NPAS2: variants seen among roughly 807,000 people sequenced by gnomAD.
The protein encoded by NPAS2 is neuronal PAS domain protein 2.
NPAS2 carries 23 observed loss-of-function variants against 107.5 expected under a neutral mutation model. The ratio of observed to expected loss-of-function variants is 0.21; its 90% CI spans 0.15 to 0.30. NPAS2 has a LOEUF of 0.30. Ranked by LOEUF, NPAS2 falls within the 10% of genes least tolerant of loss-of-function variation. The pLI is 1.00. For missense variants in NPAS2, 756 were observed against 1,043.3 expected (o/e 0.72, Z 3.79); for synonymous variants, 403 against 417.5 (o/e 0.97, Z 0.42).
chr2:100,977,995 A>G (rs1223901359), intron 15 of NPAS2, among the ~76,000 whole-genome samples, 196 bp downstream of exon 15: 1 of 151,516 alleles, frequency 6.6e-6, no homozygotes, highest in Non-Finnish European at 1.5e-5. Context: ...TCTTTTTTCC[A>G]GTGTCTGGGG....
chr2:100,853,063 G>A (rs1678310274), intron 1 of NPAS2, among the ~76,000 whole-genome samples: 1 of 152,100 alleles, frequency 6.6e-6, no homozygotes. Context: ...TATCATGTGA[G>A]GTAGAGTGAA....
At chr2:100,970,703 T>C (rs1676486761) in intron 11 of NPAS2, 1 of 315,500 alleles carries the variant, frequency 3.2e-6, no homozygotes, top group Non-Finnish European at 5.8e-6. Context: ...ACAATTACAA[T>C]TGGAGATTTC....
intron 15 of NPAS2, among the ~76,000 whole-genome samples, chr2:100,979,293 G>A (rs1677250570): frequency 6.6e-6 from 1 of 151,632 alleles, no homozygotes; most frequent in African/African-American, 2.4e-5. Flanking sequence ...AGGCCTATTT[G>A]GTAAGAAATT....
At chr2:100,854,158 C>CAAAAAAA (rs70943046) in intron 1 of NPAS2, among the ~76,000 whole-genome samples, 5 of 59,596 alleles carry the variant, frequency 8.4e-5, no homozygotes, top group African/African-American at 1.4e-4. Flanking sequence ...CCTGCCTCAA[C>CAAAAAAA]AAAAAAAAAA....
In NPAS2 at chr2:100,978,378, C is replaced by T. The variant is rs573083785; in HGVS notation, c.1482+579C>T. The stretch of plus-strand genomic sequence containing the variant: ...TAACAGTCTCTGTTCACCTCTTTGC[C>T]ACTTTTCCACATTCCTCTTGTTCTT... On this transcript the variant is annotated intron_variant, in intron 15 of 20. Transcript: ENST00000335681. Among the ~76,000 whole-genome samples, 152 of 152,158 alleles carry T rather than the reference C, an allele frequency of 1.0e-3. 2 individuals are homozygous for T. Among genetic ancestry groups the T allele is most frequent in the Non-Finnish European group, 1.8e-3 (120 of 68,008 alleles).
chr2:100,988,386 T>C (rs953760303), intron 17 of NPAS2, 110 bp downstream of exon 17: 11 of 882,428 alleles, frequency 1.2e-5, no homozygotes, highest in Non-Finnish European at 2.0e-5. Context: ...CCTACTGCCC[T>C]GTTCCGTTAT....
intron 1 of NPAS2, among the ~76,000 whole-genome samples, chr2:100,862,253 C>T (rs988357338): frequency 6.6e-6 from 1 of 152,022 alleles, no homozygotes; most frequent in Non-Finnish European, 1.5e-5. Flanking sequence ...GATCAGACCT[C>T]GGAAGGGGAT....
At chr2:100,873,344 A>G (rs543466620) in intron 1 of NPAS2, among the ~76,000 whole-genome samples, 4 of 141,730 alleles carry the variant, frequency 2.8e-5, no homozygotes, top group South Asian at 2.3e-4. Flanking sequence ...ACACACACAT[A>G]TATACATACA....
intron 7 of NPAS2, 72 bp downstream of exon 7, chr2:100,949,552 A>G (rs1001108274): frequency 1.1e-6 from 1 of 892,756 alleles, no homozygotes; most frequent in South Asian, 1.4e-5. Context: ...GGCATTAAGA[A>G]TCGCCCAGGG....
chr2:100,940,499 T>C (rs1290489665), intron 5 of NPAS2, among the ~76,000 whole-genome samples: 2 of 152,204 alleles, frequency 1.3e-5, no homozygotes, highest in Non-Finnish European at 1.5e-5. Context: ...CCATTAAACC[T>C]TGGGTGACTA....
At chr2:100,959,108 AAC>A (rs1267436782) in intron 7 of NPAS2, among the ~76,000 whole-genome samples, 734 of 43,426 alleles carry the variant, frequency 0.017, 15 homozygotes, top group African/African-American at 0.059. Context: ...AAAAAAAAAA[AAC>A]AAAACTAAAA....
chr2:100,980,711 T>C (rs1388610290), intron 15 of NPAS2, among the ~76,000 whole-genome samples: 2 of 152,158 alleles, frequency 1.3e-5, no homozygotes, highest in African/African-American at 4.8e-5. Flanking sequence ...TCTCAGGTGA[T>C]CCGCCCACCT....
At chr2:100,875,340 A>C (rs571555858) in intron 1 of NPAS2, among the ~76,000 whole-genome samples, 1 of 152,362 alleles carries the variant, frequency 6.6e-6, no homozygotes, top group Admixed American at 6.5e-5. Context: ...TGGTTGCACA[A>C]TAGTGCAAAT....
chr2:100,874,578 C>T (rs2104593895), intron 1 of NPAS2, among the ~76,000 whole-genome samples: 1 of 152,082 alleles, frequency 6.6e-6, no homozygotes, highest in East Asian at 1.9e-4. Flanking sequence ...CCTGTCTCTA[C>T]TAAAAATACA....
intron 1 of NPAS2, among the ~76,000 whole-genome samples, chr2:100,867,842 A>C (rs1480729918): frequency 1.3e-5 from 2 of 152,206 alleles, no homozygotes; most frequent in Non-Finnish European, 2.9e-5. Flanking sequence ...TGCTCAGCTG[A>C]AGTACTTATT....
At chr2:100,927,735 A>AG (rs1466705260) in intron 3 of NPAS2, among the ~76,000 whole-genome samples, 2 of 152,158 alleles carry the variant, frequency 1.3e-5, no homozygotes, top group African/African-American at 4.8e-5. Context: ...CTCATCCTTG[A>AG]GCTCACATCT....
At chr2:100,988,380 C>T (rs1436334862) in intron 17 of NPAS2, 104 bp downstream of exon 17, 1 of 935,794 alleles carries the variant, frequency 1.1e-6, no homozygotes, top group Non-Finnish European at 1.7e-6. Flanking sequence ...CTGAGGCCTA[C>T]TGCCCTGTTC....
At chr2:100,922,525 G>A (rs1320513304) in intron 2 of NPAS2, among the ~76,000 whole-genome samples, 3 of 152,182 alleles carry the variant, frequency 2.0e-5, no homozygotes, top group Admixed American at 1.3e-4. Context: ...GGAGGTTGTA[G>A]TGAGCTGAGA....
chr2:100,964,111 G>A lies in NPAS2; in HGVS notation c.652G>A (p.Val218Met), dbSNP rs1676075499. Residue 218 changes from valine (V) to methionine (M), a missense_variant, in exon 8 of 21, where the codon GTG (valine) becomes ATG (methionine). Physicochemically the swap from Val to Met is conservative, Grantham distance 21. Transcript: ENST00000335681. ...CAACACCCTTTCAAGACCTTGCCGG[G>A]TGCCACTAGGAAAGGAGGTTTGCTT... ...FDNTLSRPCR[V>M]PLGKEVCFIA... 1.2e-6 allele frequency: 2 copies of A among 1,614,102 alleles called. No homozygotes were observed. Among genetic ancestry groups the A allele is most frequent in the African/African-American group, 1.3e-5 (1 of 75,024 alleles).
Sources: allele counts gnomAD v4.1 joint callset (sites outside exome capture counted in the v4.1 genomes callset), GRCh38; gene constraint gnomAD v4.1.1; transcripts MANE v1.5; gene names NCBI Gene and HGNC (gene_info 2026-07-23, HGNC 2026-07-21).